TCERG1L: variants seen among roughly 807,000 people sequenced by gnomAD.
TCERG1L encodes transcription elongation regulator 1 like.
A neutral mutation model predicts 56.3 loss-of-function variants in TCERG1L; 37 were observed. The observed-to-expected ratio is 0.66, with a 90% CI of 0.51 to 0.87. The LOEUF is 0.87. Ranked by LOEUF, TCERG1L falls within the 40% of genes least tolerant of loss-of-function variation. The pLI is 0.00. For synonymous variants in TCERG1L, 324 were observed against 326.3 expected (o/e 0.99, Z 0.08); for missense variants, 799 against 774.2 (o/e 1.03, Z -0.38).
chr10:131,163,192 C>T lies in TCERG1L; in HGVS notation c.964G>A (p.Gly322Arg). The T allele has an allele frequency of 2.6e-6, 4 of 1,557,262 alleles. No homozygotes were observed. The highest frequency in any genetic ancestry group is 3.5e-6 in the Non-Finnish European group (4 of 1,150,980). ...KEDKEPPPMLGGGEDSTARGN... is the reference protein window; with the variant it reads ...KEDKEPPPMLRGGEDSTARGN... ...CTGGCTGTGCTGTCCTCTCCTCCCC[C>T]CAGCATCGGTGGAGGCTCCTTTCAA... Residue 322 changes from glycine to arginine, a missense_variant, in exon 6 of 12, where the codon GGG becomes AGG. By Grantham distance (125) the Gly-to-Arg change is moderately radical. Transcript: ENST00000368642.
intron 4 of TCERG1L, among the ~76,000 whole-genome samples, chr10:131,239,104 C>T (rs1326324455): frequency 6.6e-6 from 1 of 152,232 alleles, no homozygotes; most frequent in African/African-American, 2.4e-5. Context: ...GCTGCTGAAG[C>T]CCAGCCAGCT....
chr10:131,171,244 C>T (rs577127477), intron 4 of TCERG1L, among the ~76,000 whole-genome samples: 1 of 152,020 alleles, frequency 6.6e-6, no homozygotes, highest in South Asian at 2.1e-4. Flanking sequence ...ATCTCCTGGG[C>T]AAGTCTTAGC....
intron 4 of TCERG1L, among the ~76,000 whole-genome samples, chr10:131,171,132 G>A (rs535122451): frequency 4.0e-5 from 6 of 149,598 alleles, no homozygotes; most frequent in African/African-American, 1.5e-4. Context: ...GTGACAGAGC[G>A]AGGCTCCATC....
At chr10:131,184,627 G>T (rs1845216962) in intron 4 of TCERG1L, among the ~76,000 whole-genome samples, 1 of 152,212 alleles carries the variant, frequency 6.6e-6, no homozygotes, top group East Asian at 1.9e-4. Context: ...CAGCAGCTCT[G>T]CGTGTACACA....
chr10:131,207,917 C>A (rs372096958), intron 4 of TCERG1L, among the ~76,000 whole-genome samples: 2 of 152,092 alleles, frequency 1.3e-5, no homozygotes, highest in Admixed American at 1.3e-4. Flanking sequence ...GTGAGAGACC[C>A]AAGGCTCCAG....
Position 131,092,981 on chromosome 10 carries a change from A to T in TCERG1L, c.*181T>A. ...TAGAAATGCATCAAACTCTGAATGT[A>T]CAAAAGAGAGAGCTTCAATATGAAA... is the stretch of plus-strand genomic sequence containing the variant. On this transcript the variant is annotated 3_prime_UTR_variant, in exon 12 of 12. Transcript: ENST00000368642. The T allele has an allele frequency of 1.7e-6, 1 of 579,206 alleles. No homozygotes were observed. The highest frequency in any genetic ancestry group is 3.0e-6 in the Non-Finnish European group (1 of 334,924). 35.9% of individuals were successfully genotyped at this position (579,206 alleles called of 1,614,324 possible).
chr10:131,180,059 T>C (rs1845153939), intron 4 of TCERG1L, among the ~76,000 whole-genome samples: 1 of 152,194 alleles, frequency 6.6e-6, no homozygotes, highest in African/African-American at 2.4e-5. Flanking sequence ...GACATGGTCT[T>C]CCTGGTCTGG....
chr10:131,109,813 T>G (rs773015313), intron 9 of TCERG1L, among the ~76,000 whole-genome samples: 3 of 152,166 alleles, frequency 2.0e-5, no homozygotes, highest in Non-Finnish European at 2.9e-5. Context: ...TGGGTTGCAA[T>G]AGATTCCCTC....
chr10:131,176,622 CATG>C (rs1472260015), intron 4 of TCERG1L, among the ~76,000 whole-genome samples: 2 of 1,538 alleles, frequency 1.3e-3, no homozygotes, highest in East Asian at 0.038. Context: ...GTGCACACAC[CATG>C]ACATGTGCAC....
intron 6 of TCERG1L, among the ~76,000 whole-genome samples, chr10:131,148,617 G>C (rs1015325638): frequency 6.6e-6 from 1 of 151,858 alleles, no homozygotes; most frequent in Non-Finnish European, 1.5e-5. Context: ...GACACACACA[G>C]AGACACACAT....
chr10:131,163,022 G>T (rs1310267952), intron 6 of TCERG1L, 100 bp downstream of exon 6: 2 of 873,464 alleles, frequency 2.3e-6, no homozygotes, highest in Non-Finnish European at 3.4e-6. Flanking sequence ...TAAGACACAG[G>T]ATGCCTGAGA....
intron 4 of TCERG1L, among the ~76,000 whole-genome samples, chr10:131,235,079 C>T (rs1408474280): frequency 6.6e-6 from 1 of 152,110 alleles, no homozygotes; most frequent in Non-Finnish European, 1.5e-5. Flanking sequence ...CAAACAGCAC[C>T]GCAGGGCCCA....
At chr10:131,218,064 C>G (rs1052042793) in intron 4 of TCERG1L, among the ~76,000 whole-genome samples, 1 of 152,244 alleles carries the variant, frequency 6.6e-6, no homozygotes, top group East Asian at 1.9e-4. Flanking sequence ...GTGCCTGCCA[C>G]GAGAGCAGGA....
At chr10:131,210,829 T>A (rs755919487) in intron 4 of TCERG1L, among the ~76,000 whole-genome samples, 3 of 152,196 alleles carry the variant, frequency 2.0e-5, no homozygotes, top group Non-Finnish European at 4.4e-5. Context: ...TTTCCAAAAA[T>A]TAATTTGGGA....
At chr10:131,162,415 A>C (rs1412889981) in intron 6 of TCERG1L, 1 of 152,426 alleles carries the variant, frequency 6.6e-6, no homozygotes, top group East Asian at 1.9e-4. Flanking sequence ...CAGCAGGCCC[A>C]GTCAGCAGGG....
At position 131,260,322 on chromosome 10, in the gene TCERG1L, G is replaced by A. The variant is rs766237519; in HGVS notation, c.793C>T (p.Gln265Ter). 6.9e-7 allele frequency: 1 copy of A among 1,456,548 alleles called. No homozygotes were observed. Among genetic ancestry groups the A allele is most frequent in the Non-Finnish European group, 9.0e-7 (1 of 1,106,660 alleles). 90.2% of individuals were successfully genotyped at this position (1,456,548 alleles called of 1,614,324 possible). A position where few individuals can be genotyped will look rare whatever the true frequency, so the allele number is the denominator to read the frequency against. Residue 265 changes from glutamine to a stop codon, truncating the protein, a stop_gained, in exon 4 of 12, where the codon CAG (glutamine) becomes TAG (stop). Coordinates refer to ENST00000368642, the MANE Select transcript of TCERG1L (RefSeq NM_174937.4). LOFTEE classifies it high-confidence loss of function. This position sits in a 1 kb window ranked among gnomAD's most constrained non-coding sequence, Gnocchi z 5.8. Reference protein sequence around the residue: ...NLRGPSPSSVQPRHFLTLAPI... With the variant: ...NLRGPSPSSV ...GCCAAGGTCAGGAAGTGGCGCGGCT[G>A]CACGCTGGAGGGGGACGGGCCCCGG...
chr10:131,137,090 C>T (rs769996321), intron 7 of TCERG1L, among the ~76,000 whole-genome samples: 2 of 151,904 alleles, frequency 1.3e-5, no homozygotes, highest in African/African-American at 2.4e-5. Flanking sequence ...CAGTGAGCCG[C>T]GATTGTGCCA....
rs189826868 is a variant in TCERG1L, at chr10:131,141,720, T to G, written c.1189+4786A>C. 2.0e-5 allele frequency among the ~76,000 whole-genome samples: 3 copies of G among 151,984 alleles called. No homozygotes were observed. In the East Asian group the frequency reaches 5.9e-4, roughly 30 times the overall value. On this transcript the variant is annotated intron_variant, in intron 7 of 11. Coordinates refer to ENST00000368642, the MANE Select transcript of TCERG1L (RefSeq NM_174937.4). ...TGCTCCTGGCCCTGGAGGTGGTTGGTGGCTTGATGTCTTAGGTCCTGGCGG... is the reference window on the plus strand; with the variant it reads ...TGCTCCTGGCCCTGGAGGTGGTTGGGGGCTTGATGTCTTAGGTCCTGGCGG...
chr10:131,286,051 C>T (rs189522050), intron 3 of TCERG1L, among the ~76,000 whole-genome samples: 3 of 152,268 alleles, frequency 2.0e-5, no homozygotes, highest in Non-Finnish European at 4.4e-5. Context: ...AATATTTTAA[C>T]ATTTTAAATT....
Sources: gnomAD v4.1 joint callset for allele counts (sites outside exome capture counted in the v4.1 genomes callset) on GRCh38, gnomAD v4.1.1 for gene constraint, Gnocchi (gnomAD v3.1) non-coding constraint, MANE v1.5 for transcripts, NCBI Gene and HGNC (gene_info 2026-07-23, HGNC 2026-07-21) for gene names.